HDAC3: variants seen among roughly 807,000 people sequenced by gnomAD.
The protein encoded by HDAC3 is SMAP45.
A neutral mutation model predicts 62.3 loss-of-function variants in HDAC3; 21 were observed. That is an observed-to-expected ratio of 0.34 (90% CI 0.24 to 0.49). The LOEUF (loss-of-function observed/expected upper bound fraction) is 0.49. Among genes scored for constraint, HDAC3 ranks in the 20% least tolerant of loss-of-function variants. The pLI is 0.99. For synonymous variants in HDAC3, 198 were observed against 206.5 expected (o/e 0.96, Z 0.35); for missense variants, 270 against 556.9 (o/e 0.48, Z 5.19).
chr5:141,629,640 C>T lies in HDAC3; in HGVS notation c.476+44G>A. 1 of 1,592,440 alleles carries T rather than the reference C, an allele frequency of 6.3e-7. No homozygotes were observed. ...GGTTGAGACTGAGAGACCTCCTCAG[C>T]CAAGAATCCCGTAACTGCCCCCATC... is the stretch of plus-strand genomic sequence containing the variant. On this transcript the variant is annotated intron_variant, in intron 6 of 14. Transcript: ENST00000305264. This position sits in a 1 kb window ranked among gnomAD's most constrained non-coding sequence, Gnocchi z 5.3.
intron 3 of HDAC3, among the ~76,000 whole-genome samples, chr5:141,631,123 C>G (rs938266953): frequency 6.6e-6 from 1 of 150,508 alleles, no homozygotes; most frequent in African/African-American, 2.4e-5. Flanking sequence ...AGTTTTAGGT[C>G]TCAAAAAAAA....
chr5:141,633,589 G>C (rs2099905539), intron 3 of HDAC3, among the ~76,000 whole-genome samples: 1 of 152,068 alleles, frequency 6.6e-6, no homozygotes, highest in African/African-American at 2.4e-5. Flanking sequence ...ACTTTTGGAG[G>C]CTGAGGCTGG....
Position 141,626,513 on chromosome 5 carries a change from C to G in HDAC3, c.831-230G>C. On this transcript the variant is annotated intron_variant, in intron 10 of 14. Coordinates refer to ENST00000305264, the MANE Select transcript of HDAC3 (RefSeq NM_003883.4). The surrounding 1 kb of genome is among the most constrained non-coding windows in gnomAD (Gnocchi z 4.6). ...TCCCCCCTCTGTTCTGCTCAACACC[C>G]TCCCTGGCACCCTGCCTGCTAATCA... The G allele has an allele frequency of 1.9e-6, 1 of 516,428 alleles. No homozygotes were observed. Among genetic ancestry groups the G allele is most frequent in the Non-Finnish European group, 3.5e-6 (1 of 286,474 alleles). 32.0% of individuals were successfully genotyped at this position (516,428 alleles called of 1,614,324 possible). A position where few individuals can be genotyped will look rare whatever the true frequency, so the allele number is the denominator to read the frequency against.
At chr5:141,627,741 T>C (rs2099904647) in intron 10 of HDAC3, 152 bp downstream of exon 10, 1 of 706,846 alleles carries the variant, frequency 1.4e-6, no homozygotes. Flanking sequence ...TAGGGAACCC[T>C]GTTCAAGATG....
Position 141,628,019 on chromosome 5 carries a change from C to T in HDAC3, c.766-62G>A, listed in dbSNP as rs2099904695. On this transcript the variant is annotated intron_variant, in intron 9 of 14. Coordinates refer to ENST00000305264, the MANE Select transcript of HDAC3 (RefSeq NM_003883.4). The surrounding 1 kb of genome is among the most constrained non-coding windows in gnomAD (Gnocchi z 4.7). ...AGAACTGATCAGAACATCACAGATA[C>T]CCCTTCCACCACCAACCTAAAGAAC... 1 of 1,601,246 alleles carries T rather than the reference C, an allele frequency of 6.2e-7. No individual in the cohort carries two copies. The highest frequency in any genetic ancestry group is 1.1e-5 in the South Asian group (1 of 90,846).
chr5:141,630,175 T>G, intron 3 of HDAC3, 50 bp from the exon 4 acceptor site: 2 of 1,510,666 alleles, frequency 1.3e-6, no homozygotes, highest in Non-Finnish European at 1.8e-6. Flanking sequence ...GTCTGGGCCC[T>G]TCCCATATCT....
rs1289883743 is a variant in HDAC3 at position 141,625,917 on chromosome 5, G to A, written c.979+96C>T. The A allele has an allele frequency of 1.5e-6, 2 of 1,326,338 alleles. No individual in the cohort carries two copies. Among genetic ancestry groups the A allele is most frequent in the Admixed American group, 1.7e-5 (1 of 59,370 alleles). The allele number at this position is 1,326,338 out of a possible 1,614,324, so 82.2% of individuals were successfully genotyped here. A position where few individuals can be genotyped will look rare whatever the true frequency, so the allele number is the denominator to read the frequency against. Reference sequence around the variant, plus strand: ...AGGGGTTTAGTCTGCAGAGCTCTGAGAGTGTAAAATTTCCCATGTGCCTTC... The same window carrying A: ...AGGGGTTTAGTCTGCAGAGCTCTGAAAGTGTAAAATTTCCCATGTGCCTTC... On this transcript the variant is annotated intron_variant, in intron 12 of 14. Transcript: ENST00000305264. The surrounding 1 kb of genome is among the most constrained non-coding windows in gnomAD (Gnocchi z 4.0).
chr5:141,628,561 T>C lies in HDAC3; in HGVS notation c.689A>G (p.Gln230Arg). The change falls in exon 8 of 15, where the codon CAG becomes CGG. Residue 230 changes from glutamine (Q) to arginine (R), a missense_variant and splice_region_variant. Physicochemically the swap from Gln to Arg is conservative, Grantham distance 43. Around this residue, in one of 5 missense-constraint regions of HDAC3, gnomAD observed 156 missense variants for 383.9 expected, o/e 0.41. Transcript: ENST00000305264. The surrounding 1 kb of genome is among the most constrained non-coding windows in gnomAD (Gnocchi z 4.7). ...NVPLRDGIDD[Q>R]SYKHLFQPVI... ...AGAGGGAAGACTTCGGTACTTACTC[T>C]GGTCATCAATGCCATCCCGCAGGGG... 1 of 1,613,214 alleles carries C rather than the reference T, an allele frequency of 6.2e-7. No individual in the cohort carries two copies. Among genetic ancestry groups the C allele is most frequent in the Non-Finnish European group, 8.5e-7 (1 of 1,179,154 alleles).
chr5:141,628,717 G>A lies in HDAC3; in HGVS notation c.611-78C>T. The A allele has an allele frequency of 9.8e-7, 1 of 1,019,820 alleles. No homozygotes were observed. Among genetic ancestry groups the A allele is most frequent in the Non-Finnish European group, 1.5e-6 (1 of 655,618 alleles). 63.2% of individuals were successfully genotyped at this position (1,019,820 alleles called of 1,614,324 possible). A position where few individuals can be genotyped will look rare whatever the true frequency, so the allele number is the denominator to read the frequency against. Reference sequence around the variant, plus strand: ...CTGTTTCAGCCCCAATCTGCACTCTGGGAGCCTCTCATTCCATCTATGTAG... The same window carrying A: ...CTGTTTCAGCCCCAATCTGCACTCTAGGAGCCTCTCATTCCATCTATGTAG... On this transcript the variant is annotated intron_variant, in intron 7 of 14. Coordinates refer to ENST00000305264, the MANE Select transcript of HDAC3 (RefSeq NM_003883.4). This position sits in a 1 kb window ranked among gnomAD's most constrained non-coding sequence, Gnocchi z 4.7.
Position 141,628,687 on chromosome 5 carries a change from C to T in HDAC3, c.611-48G>A. The T allele has an allele frequency of 6.8e-7, 1 of 1,462,746 alleles. No homozygotes were observed. 90.6% of individuals were successfully genotyped at this position (1,462,746 alleles called of 1,614,324 possible). On this transcript the variant is annotated intron_variant, in intron 7 of 14. Coordinates refer to ENST00000305264, the MANE Select transcript of HDAC3 (RefSeq NM_003883.4). The surrounding 1 kb of genome is among the most constrained non-coding windows in gnomAD (Gnocchi z 4.7). ...AGCCACACATGGGAAGCACCCACAACCCAGCTGTTTCAGCCCCAATCTGCA... is the reference window on the plus strand; with the variant it reads ...AGCCACACATGGGAAGCACCCACAATCCAGCTGTTTCAGCCCCAATCTGCA...
At chr5:141,632,352 T>G (rs897584605) in intron 3 of HDAC3, among the ~76,000 whole-genome samples, 17 of 152,082 alleles carry the variant, frequency 1.1e-4, no homozygotes, top group Non-Finnish European at 2.4e-4. Context: ...TTTTTTCATT[T>G]AAAGGCCTAT....
Position 141,633,707 on chromosome 5 carries a change from T to G in HDAC3, c.281+1104A>C, listed in dbSNP as rs571919111. Among the ~76,000 whole-genome samples, 11 of 146,746 alleles carry G rather than the reference T, an allele frequency of 7.5e-5. No individual in the cohort carries two copies. The South Asian group carries it at 2.3e-3, about 31-fold the overall frequency. ...CAGGCATGGTGGCAGGCGCCTGTAATCCCAGCTACTCGGGAGTCTGAGGCA... is the reference window on the plus strand; with the variant it reads ...CAGGCATGGTGGCAGGCGCCTGTAAGCCCAGCTACTCGGGAGTCTGAGGCA... On this transcript the variant is annotated intron_variant, in intron 3 of 14. Coordinates refer to ENST00000305264, the MANE Select transcript of HDAC3 (RefSeq NM_003883.4).
intron 3 of HDAC3, among the ~76,000 whole-genome samples, chr5:141,630,550 A>C (rs2099905049): frequency 6.6e-6 from 1 of 152,238 alleles, no homozygotes; most frequent in Admixed American, 6.5e-5. Flanking sequence ...ACATATGTGA[A>C]ACAGTGATGA....
At position 141,625,405 on chromosome 5, in the gene HDAC3, A is replaced by G. The variant is rs375362589; in HGVS notation, c.1060-40T>C. The G allele has an allele frequency of 1.9e-6, 3 of 1,607,478 alleles. No homozygotes were observed. In the African/African-American group the frequency reaches 4.0e-5, roughly 22 times the overall value. ...GGAATACAGAGTGAGCAGTTTCCAGAGATTCCCAGGACATGGAATCTCCTA... is the reference window on the plus strand; with the variant it reads ...GGAATACAGAGTGAGCAGTTTCCAGGGATTCCCAGGACATGGAATCTCCTA... On this transcript the variant is annotated intron_variant, in intron 13 of 14. Transcript: ENST00000305264. This position sits in a 1 kb window ranked among gnomAD's most constrained non-coding sequence, Gnocchi z 4.0.
At position 141,629,345 on chromosome 5, in the gene HDAC3, A is replaced by T; in HGVS notation, c.477-39T>A. 6.2e-7 allele frequency: 1 copy of T among 1,612,784 alleles called. No individual in the cohort carries two copies. The highest frequency in any genetic ancestry group is 8.5e-7 in the Non-Finnish European group (1 of 1,179,346). ...AAAGCCAGGGTCTGAGCTAGAAGTG[A>T]ACCCCCCAACCCACTCCTCTCAAAC... On this transcript the variant is annotated intron_variant, in intron 6 of 14. Transcript: ENST00000305264. This position sits in a 1 kb window ranked among gnomAD's most constrained non-coding sequence, Gnocchi z 5.3.
Position 141,621,444 on chromosome 5 carries a change from G to A in HDAC3, c.*24C>T, listed in dbSNP as rs1469326591. 1.9e-6 allele frequency: 3 copies of A among 1,608,006 alleles called. No individual in the cohort carries two copies. The highest frequency in any genetic ancestry group is 3.3e-5 in the Admixed American group (2 of 59,986). ...ACCAAGAGGTGAAAAGAAATTCCTT[G>A]GGACACAGCATCCCAAGCCACTCTT... On this transcript the variant is annotated 3_prime_UTR_variant, in exon 15 of 15. Coordinates refer to ENST00000305264, the MANE Select transcript of HDAC3 (RefSeq NM_003883.4).
At position 141,625,618 on chromosome 5, in the gene HDAC3, A is replaced by G; in HGVS notation, c.1059+67T>C. The G allele has an allele frequency of 1.3e-6, 2 of 1,486,688 alleles. No homozygotes were observed. The highest frequency in any genetic ancestry group is 1.9e-6 in the Non-Finnish European group (2 of 1,064,464). 92.1% of individuals were successfully genotyped at this position (1,486,688 alleles called of 1,614,324 possible). A position where few individuals can be genotyped will look rare whatever the true frequency, so the allele number is the denominator to read the frequency against. ...CTCTTTGGTTTTTCCTACTTCCCACATCTTTGACCTCTCCTGGGCTCCACC... is the reference window on the plus strand; with the variant it reads ...CTCTTTGGTTTTTCCTACTTCCCACGTCTTTGACCTCTCCTGGGCTCCACC... On this transcript the variant is annotated intron_variant, in intron 13 of 14. Transcript: ENST00000305264. The surrounding 1 kb of genome is among the most constrained non-coding windows in gnomAD (Gnocchi z 4.0).
rs754628191 is a variant in HDAC3, at chr5:141,636,602, G to A, written c.84C>T (p.Arg28=). The change falls in exon 2 of 15, where the codon CGC becomes CGT. Residue 28 remains arginine (R), a synonymous_variant. Coordinates refer to ENST00000305264, the MANE Select transcript of HDAC3 (RefSeq NM_003883.4). ...YGAGHPMKPH[R]LALTHSLVLH... The stretch of plus-strand genomic sequence containing the variant: ...GGACCAGGCTATGGGTCAATGCCAG[G>A]CGATGGGGCTTCATAGGGTGTCCAG... 6 of 1,614,012 alleles carry A rather than the reference G, an allele frequency of 3.7e-6. No homozygotes were observed. In the African/African-American group the frequency reaches 8.0e-5, roughly 22 times the overall value.
intron 2 of HDAC3, chr5:141,636,274 T>C (rs976212099): frequency 2.4e-5 from 12 of 502,788 alleles, no homozygotes; most frequent in African/African-American, 2.3e-4. Flanking sequence ...ACACCTTCTG[T>C]CTTCAAACCA....
Sources: allele counts gnomAD v4.1 joint callset (sites outside exome capture counted in the v4.1 genomes callset), GRCh38; gene constraint gnomAD v4.1.1; regional missense constraint gnomAD v4.1.1; non-coding constraint Gnocchi (gnomAD v3.1); transcripts MANE v1.5; gene names NCBI Gene and HGNC (gene_info 2026-07-23, HGNC 2026-07-21).